Variants in SLIT3 observed in about 807,000 individuals in gnomAD.
SLIT3 encodes the protein slit homolog 3 protein.
A neutral mutation model predicts 184.0 loss-of-function variants in SLIT3; 68 were observed. The ratio of observed to expected loss-of-function variants is 0.37; its 90% confidence interval spans 0.30 to 0.45. The LOEUF (loss-of-function observed/expected upper bound fraction) is 0.45. Among genes scored for constraint, SLIT3 ranks in the 20% least tolerant of loss-of-function variants. The probability of loss-of-function intolerance (pLI) is 1.00; values close to 1 mark genes in which losing one functional copy is unlikely to be tolerated. For synonymous variants in SLIT3, 831 were observed against 828.6 expected (o/e 1.00, Z -0.05); for missense variants, 1,707 against 2,026.0 (o/e 0.84, Z 3.02).
At chr5:168,754,839 A>T (rs928508309) in intron 16 of SLIT3, among the ~76,000 whole-genome samples, 2 of 152,206 alleles carry the variant, frequency 1.3e-5, no homozygotes, top group African/African-American at 4.8e-5. Flanking sequence ...GGGGACTGAC[A>T]GAGTTAAAAT....
At chr5:169,271,158 G>A (rs1181748807) in intron 1 of SLIT3, among the ~76,000 whole-genome samples, 3 of 152,116 alleles carry the variant, frequency 2.0e-5, no homozygotes, top group African/African-American at 2.4e-5. Flanking sequence ...TCATAGTTTC[G>A]AGGAAAGGCA....
At chr5:169,202,303 T>C (rs1306568418) in intron 3 of SLIT3, among the ~76,000 whole-genome samples, 1 of 152,186 alleles carries the variant, frequency 6.6e-6, no homozygotes, top group East Asian at 1.9e-4. Context: ...TTCCTTCCTT[T>C]TTTATGTTCA....
chr5:168,762,639 C>G lies in SLIT3; in HGVS notation c.1510G>C (p.Val504Leu). The G allele has an allele frequency of 1.2e-6, 2 of 1,614,122 alleles. No individual in the cohort carries two copies. The highest frequency in any genetic ancestry group is 2.2e-5 in the South Asian group (2 of 91,080). The change falls in exon 15 of 36, where the codon GTG (valine) becomes CTG (leucine). Residue 504 changes from valine to leucine, a missense_variant. Around this residue, in one of 3 missense-constraint regions of SLIT3, gnomAD observed 1,307 missense variants for 1,511.6 expected, o/e 0.86. Transcript: ENST00000519560. Reference sequence around the variant, plus strand: ...TCACAGCGACACTTCTCGGGGCACACGAGGTCCATGAAGCACTCGCTGCTG... The same window carrying G: ...TCACAGCGACACTTCTCGGGGCACAGGAGGTCCATGAAGCACTCGCTGCTG... ...RFSSECFMDL[V>L]CPEKCRCEGT...
intron 3 of SLIT3, among the ~76,000 whole-genome samples, chr5:169,233,053 G>T (rs1268032259): frequency 1.3e-5 from 2 of 152,114 alleles, no homozygotes; most frequent in Non-Finnish European, 2.9e-5. Flanking sequence ...TTGAGATAGA[G>T]TCTCGCTCTG....
At chr5:169,166,795 A>G (rs1450004897) in intron 4 of SLIT3, among the ~76,000 whole-genome samples, 1 of 152,186 alleles carries the variant, frequency 6.6e-6, no homozygotes, top group Non-Finnish European at 1.5e-5. Context: ...AGGTTTGTGT[A>G]TGATCCCATG....
At chr5:169,273,051 T>C (rs536250629) in intron 1 of SLIT3, among the ~76,000 whole-genome samples, 6 of 151,482 alleles carry the variant, frequency 4.0e-5, no homozygotes, top group Non-Finnish European at 7.4e-5. Context: ...ACACACATGG[T>C]GCCAAATGCT....
chr5:168,921,736 C>A (rs1014153534), intron 4 of SLIT3, among the ~76,000 whole-genome samples: 1 of 152,166 alleles, frequency 6.6e-6, no homozygotes, highest in Non-Finnish European at 1.5e-5. Flanking sequence ...CATCCTTGAT[C>A]TTTGAGTACC....
chr5:169,298,739 G>A (rs1019319751), intron 1 of SLIT3, among the ~76,000 whole-genome samples: 2 of 152,150 alleles, frequency 1.3e-5, no homozygotes, highest in African/African-American at 4.8e-5. Flanking sequence ...GTCAGGCTTG[G>A]ATCCAAACAC....
At position 168,772,790 on chromosome 5, in the gene SLIT3, G is replaced by A. The variant is rs372219038; in HGVS notation, c.1450C>T (p.Arg484Cys). The part of the protein sequence containing the change: ...RISQIKSKKF[R>C]CSGSEDYRSR... ...CCCGTAACCTGATTACCTGAGCAGC[G>A]GAACTTCTTGCTCTTGATCTGGCTG... The change falls in exon 14 of 36, where the codon CGC becomes TGC. Residue 484 changes from arginine to cysteine, a missense_variant. By Grantham distance (180) the Arg-to-Cys change is radical. This residue lies in a region of SLIT3 where 1,307 missense variants were observed against 1,511.6 expected (regional missense o/e 0.86). Transcript: ENST00000519560. 16 of 1,614,206 alleles carry A rather than the reference G, an allele frequency of 9.9e-6. No homozygotes were observed. The highest frequency in any genetic ancestry group is 1.1e-5 in the Non-Finnish European group (13 of 1,180,046).
chr5:169,045,754 T>G (rs1176416052), intron 4 of SLIT3, among the ~76,000 whole-genome samples: 1 of 152,220 alleles, frequency 6.6e-6, no homozygotes, highest in Non-Finnish European at 1.5e-5. Context: ...ACAGGAAGCA[T>G]TCTCTGCCTA....
intron 4 of SLIT3, among the ~76,000 whole-genome samples, chr5:168,944,812 G>A (rs1030744148): frequency 6.6e-6 from 1 of 152,110 alleles, no homozygotes; most frequent in African/African-American, 2.4e-5. Context: ...TACTTCGTAT[G>A]GTGACTTGAT....
intron 4 of SLIT3, among the ~76,000 whole-genome samples, chr5:168,946,479 G>A (rs1407608362): frequency 6.6e-6 from 1 of 152,218 alleles, no homozygotes; most frequent in Non-Finnish European, 1.5e-5. Context: ...AGCCCCAAGG[G>A]GCAGCGGCTG....
chr5:169,080,538 G>A (rs1758991187), intron 4 of SLIT3, among the ~76,000 whole-genome samples: 1 of 152,128 alleles, frequency 6.6e-6, no homozygotes, highest in Admixed American at 6.5e-5. Flanking sequence ...GAGCCTGCCG[G>A]CACCAGCTGT....
intron 4 of SLIT3, among the ~76,000 whole-genome samples, chr5:168,929,912 G>A (rs560856951): frequency 1.3e-5 from 2 of 152,200 alleles, no homozygotes; most frequent in South Asian, 2.1e-4. Context: ...TATTCTGTGG[G>A]GTGTCCTTCC....
Position 169,167,359 on chromosome 5 carries a change from C to T in SLIT3, c.413+26120G>A, listed in dbSNP as rs1762673047. ...GTGCGATCTTGGCTCACTGCAAGCTCCGCCTCCCAAGTTTGCGCCATTCTC... is the reference window on the plus strand; with the variant it reads ...GTGCGATCTTGGCTCACTGCAAGCTTCGCCTCCCAAGTTTGCGCCATTCTC... On this transcript the variant is annotated intron_variant, in intron 4 of 35. Coordinates refer to ENST00000519560, the MANE Select transcript of SLIT3 (RefSeq NM_003062.4). Among the ~76,000 whole-genome samples, 2 of 146,546 alleles carry T rather than the reference C, an allele frequency of 1.4e-5. 1 individual carries two copies. The highest frequency in any genetic ancestry group is 3.0e-5 in the Non-Finnish European group (2 of 67,164).
At chr5:169,057,406 C>T (rs1312921367) in intron 4 of SLIT3, among the ~76,000 whole-genome samples, 1 of 152,182 alleles carries the variant, frequency 6.6e-6, no homozygotes, top group East Asian at 1.9e-4. Flanking sequence ...GCTTAGTGGC[C>T]TGGCACCAGC....
At chr5:169,130,931 A>G (rs978241359) in intron 4 of SLIT3, among the ~76,000 whole-genome samples, 1 of 152,228 alleles carries the variant, frequency 6.6e-6, no homozygotes, top group Non-Finnish European at 1.5e-5. Context: ...AAAATGTTGC[A>G]ATATGTGCCA....
At chr5:168,755,928 T>A (rs7718722) in intron 16 of SLIT3, among the ~76,000 whole-genome samples, 1 of 152,104 alleles carries the variant, frequency 6.6e-6, no homozygotes, top group African/African-American at 2.4e-5. Context: ...TCAAAATGCC[T>A]GGCCCTGGAA....
At chr5:169,138,770 T>C (rs751091404) in intron 4 of SLIT3, among the ~76,000 whole-genome samples, 2 of 152,224 alleles carry the variant, frequency 1.3e-5, no homozygotes, top group Non-Finnish European at 2.9e-5. Context: ...TTGCATGGCA[T>C]ATCCAGCAAC....
Sources: gnomAD v4.1 joint callset for allele counts (sites outside exome capture counted in the v4.1 genomes callset) on GRCh38, gnomAD v4.1.1 for gene constraint, gnomAD v4.1.1 regional missense constraint, MANE v1.5 for transcripts, NCBI Gene and HGNC (gene_info 2026-07-23, HGNC 2026-07-21) for gene names.